Variants in CIZ1 observed in about 807,000 individuals in gnomAD.
CIZ1 encodes the protein CDKN1A interacting zinc finger protein 1.
A neutral mutation model predicts 118.6 loss-of-function variants in CIZ1; 58 were observed. That is an observed-to-expected ratio of 0.49 (90% CI 0.40 to 0.61). CIZ1 has a LOEUF of 0.61. Ranked by LOEUF, CIZ1 falls within the 20% of genes least tolerant of loss-of-function variation. The pLI, the probability that CIZ1 is intolerant of heterozygous loss-of-function variation, is 0.00. For synonymous variants in CIZ1, 448 were observed against 443.4 expected (o/e 1.01, Z -0.13); for missense variants, 921 against 1,115.9 (o/e 0.83, Z 2.49).
intron 11 of CIZ1, among the ~76,000 whole-genome samples, chr9:128,173,135 CTTTTTTTTTTTTTTT>C (rs957423189): frequency 5.0e-5 from 4 of 80,790 alleles, no homozygotes; most frequent in African/African-American, 1.1e-4. Context: ...TGGCTAATTT[CTTTTTTTTTTTTTTT>C]TTTTTTTTTT....
chr9:128,177,528 GCCCCACCCCT>G, intron 10 of CIZ1, 28 bp downstream of exon 10: 5 of 1,164,628 alleles, frequency 4.3e-6, no homozygotes, highest in Non-Finnish European at 5.8e-6. Context: ...TTCCACGCAG[GCCCCACCCCT>G]CCCCACCCTT....
At chr9:128,179,553 ATT>A in intron 7 of CIZ1, 138 bp from the exon 8 acceptor site, 1 of 724,500 alleles carries the variant, frequency 1.4e-6, no homozygotes, top group Non-Finnish European at 2.2e-6. Flanking sequence ...CAGGTGGATC[ATT>A]TGAGGTCAGG....
intron 11 of CIZ1, among the ~76,000 whole-genome samples, chr9:128,173,585 T>G (rs1174314492): frequency 6.6e-6 from 1 of 152,092 alleles, no homozygotes; most frequent in Admixed American, 6.6e-5. Context: ...CCTGGCTCTA[T>G]TTTTCAATGT....
chr9:128,187,955 A>G, intron 3 of CIZ1, 21 bp from the exon 4 acceptor site: 1 of 730,518 alleles, frequency 1.4e-6, no homozygotes, highest in Non-Finnish European at 2.6e-6. Context: ...GCAATTCGGC[A>G]ATACTTATCA....
intron 10 of CIZ1, 110 bp from the exon 11 acceptor site, chr9:128,176,585 C>G: frequency 1.8e-6 from 2 of 1,104,934 alleles, no homozygotes; most frequent in Non-Finnish European, 2.6e-6. Context: ...GCCCATTTCT[C>G]TCACCACACA....
At chr9:128,189,777 A>T (rs1012799400) in intron 3 of CIZ1, among the ~76,000 whole-genome samples, 2 of 127,464 alleles carry the variant, frequency 1.6e-5, no homozygotes, top group African/African-American at 5.9e-5. Flanking sequence ...CCAAGATTGC[A>T]CCATTGCACT....
At chr9:128,172,224 G>A (rs940885813) in intron 11 of CIZ1, among the ~76,000 whole-genome samples, 1 of 151,588 alleles carries the variant, frequency 6.6e-6, no homozygotes, top group Non-Finnish European at 1.5e-5. Flanking sequence ...TGGGCATGGT[G>A]GCTCACGCCT....
chr9:128,193,638 C>T (rs1215268569), upstream of CIZ1, among the ~76,000 whole-genome samples: 2 of 151,972 alleles, frequency 1.3e-5, no homozygotes, highest in African/African-American at 4.8e-5. Context: ...CGCTTGAACC[C>T]GGGAGGCAGA....
chr9:128,170,453 G>A (rs1415585039), intron 11 of CIZ1, among the ~76,000 whole-genome samples: 2 of 152,138 alleles, frequency 1.3e-5, no homozygotes, highest in Admixed American at 6.5e-5. Context: ...ATTCAGCTTC[G>A]CCAGCCTGGG....
upstream of CIZ1, among the ~76,000 whole-genome samples, chr9:128,192,818 C>G (rs560036798): frequency 6.6e-6 from 1 of 152,382 alleles, no homozygotes; most frequent in African/African-American, 2.4e-5. Context: ...GCTGGGATTA[C>G]AGGGGTGAGC....
chr9:128,184,276 A>C lies in CIZ1; in HGVS notation c.588+1271T>G, dbSNP rs564089214. The stretch of plus-strand genomic sequence containing the variant: ...GAGGTCAGTATCAGATACACACCAG[A>C]TTGTGAAGATTTTGTAGTTTTTAAA... On this transcript the variant is annotated intron_variant, in intron 5 of 16. Transcript: ENST00000372938. 2.0e-5 allele frequency among the ~76,000 whole-genome samples: 3 copies of C among 152,226 alleles called. 1 individual carries two copies. In the South Asian group the frequency reaches 6.2e-4, roughly 32 times the overall value.
chr9:128,179,564 G>A, intron 7 of CIZ1, 149 bp from the exon 8 acceptor site: 1 of 684,808 alleles, frequency 1.5e-6, no homozygotes, highest in Non-Finnish European at 2.4e-6. Context: ...TTTGAGGTCA[G>A]GAGTTCCAGA....
intron 14 of CIZ1, among the ~76,000 whole-genome samples, chr9:128,168,212 C>T (rs1475798336): frequency 1.3e-5 from 2 of 152,176 alleles, no homozygotes; most frequent in African/African-American, 4.8e-5. Flanking sequence ...TCTCTGGAAA[C>T]GTGTTAAACT....
At chr9:128,174,808 A>T (rs1288517218) in intron 11 of CIZ1, among the ~76,000 whole-genome samples, 3 of 152,058 alleles carry the variant, frequency 2.0e-5, no homozygotes, top group Non-Finnish European at 4.4e-5. Flanking sequence ...ACAGGCATGC[A>T]CCACCATGCC....
chr9:128,179,284 AGC>A lies in CIZ1; in HGVS notation c.921_922del (p.Leu308AlafsTer155). ...CAGGACCCGTGGCTGGAATCGTGGC[AGC>A]ACTTGGGCTTCCAGGGCCTCAGGCA... is the stretch of plus-strand genomic sequence containing the variant. On this transcript the variant is annotated frameshift_variant, in exon 8 of 17. Transcript: ENST00000372938. LOFTEE classifies it high-confidence loss of function. The A allele has an allele frequency of 6.2e-7, 1 of 1,614,120 alleles. No individual in the cohort carries two copies. Among genetic ancestry groups the A allele is most frequent in the Non-Finnish European group, 8.5e-7 (1 of 1,180,034 alleles).
chr9:128,201,952 C>A (rs1230284233), intron 1 of CIZ1, among the ~76,000 whole-genome samples: 2 of 152,180 alleles, frequency 1.3e-5, no homozygotes, highest in African/African-American at 4.8e-5. Flanking sequence ...ACCATCTTCA[C>A]AATAGCAACA....
rs45518842 is a variant in CIZ1, at chr9:128,180,530, T to C, written c.683-7A>G. Reference sequence around the variant, plus strand: ...CAGGGCGGTAAATCTTGGTCTGGAATGGAGGCATGAGCGAGGGAACTCATG... The same window carrying C: ...CAGGGCGGTAAATCTTGGTCTGGAACGGAGGCATGAGCGAGGGAACTCATG... On this transcript the variant is annotated splice_polypyrimidine_tract_variant and splice_region_variant and intron_variant, in intron 6 of 16. Coordinates refer to ENST00000372938, the MANE Select transcript of CIZ1 (RefSeq NM_001131016.2). 19,487 of 1,611,328 alleles carry C rather than the reference T, an allele frequency of 0.012. 1,477 individuals carry two copies. The African/African-American group carries it at 0.19, about 16-fold the overall frequency.
intron 1 of CIZ1, among the ~76,000 whole-genome samples, chr9:128,199,154 G>A (rs1442216903): frequency 6.6e-6 from 1 of 151,526 alleles, no homozygotes; most frequent in African/African-American, 2.4e-5. Context: ...GATCACCTGA[G>A]GTCAGGAGTT....
At chr9:128,200,604 G>C (rs1428856397) in intron 1 of CIZ1, among the ~76,000 whole-genome samples, 1 of 151,122 alleles carries the variant, frequency 6.6e-6, no homozygotes, top group Non-Finnish European at 1.5e-5. Flanking sequence ...GTTGCAGTGA[G>C]CTGAGATCAC....
Sources: gnomAD v4.1 joint callset for allele counts (sites outside exome capture counted in the v4.1 genomes callset) on GRCh38, gnomAD v4.1.1 for gene constraint, MANE v1.5 for transcripts, NCBI Gene and HGNC (gene_info 2026-07-23, HGNC 2026-07-21) for gene names.